CEP128: variants seen among roughly 807,000 people sequenced by gnomAD.
The protein encoded by CEP128 is centrosomal protein 128, also known as centrosomal protein 128kDa.
A neutral mutation model predicts 156.7 loss-of-function variants in CEP128; 132 were observed. The observed-to-expected ratio is 0.84, with a 90% CI of 0.73 to 0.97. The LOEUF (loss-of-function observed/expected upper bound fraction) is 0.97, where lower values mean the gene tolerates loss of function less well. Ranked by LOEUF, CEP128 falls within the 50% of genes least tolerant of loss-of-function variation. The pLI is 0.00. For synonymous variants in CEP128, 469 were observed against 448.9 expected (o/e 1.04, Z -0.57); for missense variants, 1,252 against 1,281.9 (o/e 0.98, Z 0.36).
intron 19 of CEP128, among the ~76,000 whole-genome samples, chr14:80,726,243 A>T (rs1898017764): frequency 6.6e-6 from 1 of 152,156 alleles, no homozygotes; most frequent in East Asian, 1.9e-4. Flanking sequence ...GCACAAAGAA[A>T]ATCTTTTCTT....
At chr14:80,879,752 A>C (rs1465270885) in intron 8 of CEP128, among the ~76,000 whole-genome samples, 2 of 152,186 alleles carry the variant, frequency 1.3e-5, no homozygotes, top group Non-Finnish European at 2.9e-5. Flanking sequence ...AAAGAAAACA[A>C]TGTTTACTTA....
chr14:80,955,523 A>C (rs1207340499), intron 2 of CEP128: 3 of 863,614 alleles, frequency 3.5e-6, no homozygotes, highest in Non-Finnish European at 5.7e-6. Flanking sequence ...CCCCTTCTCC[A>C]GCCTCCTCCA....
At chr14:80,928,504 C>T (rs971637790) in intron 2 of CEP128, among the ~76,000 whole-genome samples, 2 of 151,814 alleles carry the variant, frequency 1.3e-5, no homozygotes, top group Non-Finnish European at 2.9e-5. Context: ...CAAAATGCAG[C>T]GAAAAATCTT....
In CEP128 at chr14:80,862,840, G is replaced by C. The variant is rs1157325446; in HGVS notation, c.679C>G (p.Leu227Val). 6.2e-7 allele frequency: 1 copy of C among 1,613,754 alleles called. No homozygotes were observed. Among genetic ancestry groups the C allele is most frequent in the African/African-American group, 1.3e-5 (1 of 74,888 alleles). The part of the protein sequence containing the change: ...SDRVERRLQE[L>V]EREMRTEREL... Reference sequence around the variant, plus strand: ...CTTTCTGTGCGCATCTCTCTCTCCAGTTCCTGAAGCCGCCGCTCCACCCGA... The same window carrying C: ...CTTTCTGTGCGCATCTCTCTCTCCACTTCCTGAAGCCGCCGCTCCACCCGA... The change falls in exon 9 of 25, where the codon CTG becomes GTG. Residue 227 changes from leucine to valine, a missense_variant. By Grantham distance (32) the Leu-to-Val change is conservative. Transcript: ENST00000555265.
chr14:80,527,125 G>C (rs1889010112), intron 22 of CEP128, 143 bp from the exon 23 acceptor site: 2 of 561,454 alleles, frequency 3.6e-6, no homozygotes, highest in Non-Finnish European at 6.3e-6. Flanking sequence ...GAGAATCACA[G>C]GCCACCATAG....
chr14:80,746,601 C>G (rs327438), intron 18 of CEP128, among the ~76,000 whole-genome samples: 2,045 of 152,250 alleles, frequency 0.013, 54 homozygotes, highest in African/African-American at 0.047. Flanking sequence ...AAAAGGATCA[C>G]AGATCTAAAT....
intron 8 of CEP128, among the ~76,000 whole-genome samples, chr14:80,863,913 T>C (rs1042753953): frequency 3.3e-5 from 5 of 152,188 alleles, no homozygotes; most frequent in African/African-American, 4.8e-5. Flanking sequence ...TAAATAAACA[T>C]AAGTTTACTT....
At chr14:80,750,980 A>G (rs1181910488) in intron 18 of CEP128, among the ~76,000 whole-genome samples, 1 of 152,194 alleles carries the variant, frequency 6.6e-6, no homozygotes, top group Non-Finnish European at 1.5e-5. Flanking sequence ...AAGAGATAGC[A>G]GAACTCTCTT....
At chr14:80,884,920 T>C (rs1888724448) in intron 8 of CEP128, among the ~76,000 whole-genome samples, 1 of 152,200 alleles carries the variant, frequency 6.6e-6, no homozygotes, top group South Asian at 2.1e-4. Context: ...TTGAAATTCT[T>C]GCTGCCAGCA....
At chr14:80,825,847 C>G (rs1390241925) in intron 13 of CEP128, among the ~76,000 whole-genome samples, 1 of 152,122 alleles carries the variant, frequency 6.6e-6, no homozygotes, top group Non-Finnish European at 1.5e-5. Flanking sequence ...GTGGCTCACT[C>G]CTGTAATCCC....
At chr14:80,500,375 T>C (rs1887679511) in intron 24 of CEP128, among the ~76,000 whole-genome samples, 1 of 152,208 alleles carries the variant, frequency 6.6e-6, no homozygotes, top group South Asian at 2.1e-4. Flanking sequence ...CAGAAACTCA[T>C]GTCTGCCTAA....
chr14:80,839,050 A>T (rs1183497750), intron 10 of CEP128, among the ~76,000 whole-genome samples: 1 of 152,092 alleles, frequency 6.6e-6, no homozygotes, highest in Non-Finnish European at 1.5e-5. Context: ...AGTGAGCCGA[A>T]ATCGCGCCAC....
At chr14:80,833,806 AG>A (rs1330059893) in intron 12 of CEP128, among the ~76,000 whole-genome samples, 1 of 152,194 alleles carries the variant, frequency 6.6e-6, no homozygotes, top group Non-Finnish European at 1.5e-5. Context: ...AATAAGAAAG[AG>A]AATGTTGCAA....
chr14:80,586,120 T>C (rs570005011), intron 19 of CEP128, among the ~76,000 whole-genome samples: 3 of 152,234 alleles, frequency 2.0e-5, no homozygotes, highest in South Asian at 2.1e-4. Flanking sequence ...CTTTTTTTTT[T>C]CCTAAAGAAG....
At chr14:80,586,244 G>A (rs1024670034) in intron 19 of CEP128, among the ~76,000 whole-genome samples, 13 of 152,178 alleles carry the variant, frequency 8.5e-5, no homozygotes, top group Admixed American at 6.5e-5. Context: ...GGAGGGCCTG[G>A]GGGCCAGCCC....
Position 80,785,428 on chromosome 14 carries a change from G to C in CEP128, c.1678C>G (p.Leu560Val). 2.5e-6 allele frequency: 4 copies of C among 1,614,020 alleles called. No homozygotes were observed. The highest frequency in any genetic ancestry group is 3.4e-6 in the Non-Finnish European group (4 of 1,179,970). Residue 560 changes from leucine (L) to valine (V), a missense_variant, in exon 15 of 25, where the codon CTT becomes GTT. Transcript: ENST00000555265. The stretch of plus-strand genomic sequence containing the variant: ...CGTAATTTCTCCTCCTTGGAGTGAA[G>C]CTCCTCCTCCTGAAGGGCACGCTTT... ...LTKRALQEEE[L>V]HSKEEKLRDI...
rs772214640 is a variant in CEP128 at position 80,928,064 on chromosome 14, C to T, written c.-16+11321G>A. ...AGTACCCAAAGCCAAAACTAGGTGA[C>T]AATCAACTATAAACATTAAAGTTAC... On this transcript the variant is annotated intron_variant, in intron 2 of 24. Coordinates refer to ENST00000555265, the MANE Select transcript of CEP128 (RefSeq NM_152446.5). Among the ~76,000 whole-genome samples the T allele has an allele frequency of 5.9e-5, 9 of 152,088 alleles. No individual in the cohort carries two copies. The South Asian group carries it at 1.9e-3, about 32-fold the overall frequency.
intron 19 of CEP128, among the ~76,000 whole-genome samples, chr14:80,610,186 T>G (rs1018054725): frequency 6.6e-6 from 1 of 152,184 alleles, no homozygotes; most frequent in African/African-American, 2.4e-5. Context: ...AAATGTCTAT[T>G]GGTCAAAACC....
At chr14:80,925,396 T>C (rs1885090696) in intron 2 of CEP128, among the ~76,000 whole-genome samples, 1 of 152,142 alleles carries the variant, frequency 6.6e-6, no homozygotes, top group Non-Finnish European at 1.5e-5. Flanking sequence ...ACAGAAGTTA[T>C]GAAAAGAAGG....
Sources: allele counts gnomAD v4.1 joint callset (sites outside exome capture counted in the v4.1 genomes callset), GRCh38; gene constraint gnomAD v4.1.1; transcripts MANE v1.5; gene names NCBI Gene and HGNC (gene_info 2026-07-23, HGNC 2026-07-21).